The following AP3B1 variants were observed in gnomAD, a reference collection of about 807,000 sequenced individuals.
AP3B1 encodes the protein AP-3 complex subunit beta-1.
AP3B1 carries 61 observed loss-of-function variants against 132.5 expected under a neutral mutation model. That is an observed-to-expected ratio of 0.46 (90% CI 0.37 to 0.57). The LOEUF (loss-of-function observed/expected upper bound fraction) is 0.57. Ranked by LOEUF, AP3B1 falls within the 20% of genes least tolerant of loss-of-function variation. AP3B1 has a pLI of 0.00. For missense variants in AP3B1, 1,120 were observed against 1,289.4 expected (o/e 0.87, Z 2.01); for synonymous variants, 388 against 438.3 (o/e 0.89, Z 1.43).
chr5:78,137,788 T>C (rs927354478), intron 15 of AP3B1, among the ~76,000 whole-genome samples: 2 of 152,198 alleles, frequency 1.3e-5, no homozygotes, highest in African/African-American at 4.8e-5. Flanking sequence ...CAAAAATAGT[T>C]TGAGGCAGAT....
intron 23 of AP3B1, among the ~76,000 whole-genome samples, chr5:78,036,857 C>A (rs1747829815): frequency 6.6e-6 from 1 of 152,092 alleles, no homozygotes; most frequent in Non-Finnish European, 1.5e-5. Context: ...CTGTTGCATT[C>A]TTAAAATGTT....
intron 22 of AP3B1, among the ~76,000 whole-genome samples, chr5:78,045,543 T>C (rs1748293525): frequency 6.6e-6 from 1 of 152,162 alleles, no homozygotes; most frequent in Admixed American, 6.5e-5. Flanking sequence ...GTTCCATAAA[T>C]ACTTCGACTA....
chr5:78,236,327 T>C (rs746477535), intron 3 of AP3B1, among the ~76,000 whole-genome samples: 2 of 150,756 alleles, frequency 1.3e-5, no homozygotes, highest in Non-Finnish European at 2.9e-5. Context: ...AAGGACTTCG[T>C]CATTTCTACC....
chr5:78,134,145 G>A (rs1429621639), intron 15 of AP3B1, among the ~76,000 whole-genome samples: 2 of 73,342 alleles, frequency 2.7e-5, no homozygotes, highest in African/African-American at 6.6e-5. Context: ...AGCAAGACTC[G>A]CCTCAAAAAA....
At chr5:78,041,205 C>A (rs557673646) in intron 22 of AP3B1, among the ~76,000 whole-genome samples, 1 of 150,334 alleles carries the variant, frequency 6.7e-6, no homozygotes, top group East Asian at 2.0e-4. Flanking sequence ...ACCTGGGAGG[C>A]GGAGGTTGCT....
At chr5:78,240,784 G>A in intron 3 of AP3B1, 78 bp downstream of exon 3, 1 of 944,600 alleles carries the variant, frequency 1.1e-6, no homozygotes. Flanking sequence ...AGTATCTTAT[G>A]TTGCATTATA....
chr5:78,059,978 A>G (rs745576450), intron 22 of AP3B1, among the ~76,000 whole-genome samples: 1 of 152,156 alleles, frequency 6.6e-6, no homozygotes, highest in Non-Finnish European at 1.5e-5. Flanking sequence ...ACATGTTTCA[A>G]TGGGGAAAAG....
At position 78,177,383 on chromosome 5, in the gene AP3B1, A is replaced by G. The variant is rs1393834535; in HGVS notation, c.996T>C (p.Ala332=). ...LYWHISPKSE[A]GIISKSLVRL... ...GCACTAGTGATTTAGAAATTATGCC[A>G]GCTTCAGATTTTGGTGATATGTGCC... Residue 332 remains alanine (A), a synonymous_variant, in exon 9 of 27, where the codon GCT becomes GCC. Coordinates refer to ENST00000255194, the MANE Select transcript of AP3B1 (RefSeq NM_003664.5). 1 of 1,614,054 alleles carries G rather than the reference A, an allele frequency of 6.2e-7. No homozygotes were observed. Among genetic ancestry groups the G allele is most frequent in the South Asian group, 1.1e-5 (1 of 91,074 alleles).
At chr5:78,003,105 G>T in intron 26 of AP3B1, 50 bp from the exon 27 acceptor site, 1 of 1,584,574 alleles carries the variant, frequency 6.3e-7, no homozygotes, top group South Asian at 1.1e-5. Context: ...GGAGGGTAAA[G>T]GAGATAGCAT....
In AP3B1 at chr5:78,172,680, C is replaced by A. The variant is rs59525954; in HGVS notation, c.1167+2946G>T. Among the ~76,000 whole-genome samples, 630 of 152,282 alleles carry A rather than the reference C, an allele frequency of 4.1e-3. 2 individuals carry two copies. Among genetic ancestry groups the A allele is most frequent in the African/African-American group, 0.014 (574 of 41,552 alleles). On this transcript the variant is annotated intron_variant, in intron 11 of 26. Coordinates refer to ENST00000255194, the MANE Select transcript of AP3B1 (RefSeq NM_003664.5). Reference sequence around the variant, plus strand: ...CAATTCTGTTGATCTTTTCAAAAAACCAGCTCCTGGATTCATTGATTTTTC... The same window carrying A: ...CAATTCTGTTGATCTTTTCAAAAAAACAGCTCCTGGATTCATTGATTTTTC...
At chr5:78,242,866 C>G (rs1234998924) in intron 2 of AP3B1, among the ~76,000 whole-genome samples, 2 of 152,054 alleles carry the variant, frequency 1.3e-5, no homozygotes, top group Non-Finnish European at 2.9e-5. Flanking sequence ...ACTTTGGTAA[C>G]CACAAAATAA....
At chr5:78,116,356 G>T in intron 17 of AP3B1, 122 bp from the exon 18 acceptor site, 1 of 792,498 alleles carries the variant, frequency 1.3e-6, no homozygotes, top group Non-Finnish European at 2.1e-6. Context: ...CACAGGGAAT[G>T]CAACTGTTAG....
intron 2 of AP3B1, among the ~76,000 whole-genome samples, chr5:78,246,672 C>G (rs1399692102): frequency 6.6e-6 from 1 of 152,136 alleles, no homozygotes; most frequent in African/African-American, 2.4e-5. Flanking sequence ...TAAATGTCAA[C>G]AGGGTCTTGC....
At chr5:78,091,503 G>A (rs377613663) in intron 21 of AP3B1, among the ~76,000 whole-genome samples, 1 of 152,014 alleles carries the variant, frequency 6.6e-6, no homozygotes, top group Non-Finnish European at 1.5e-5. Flanking sequence ...TGAAAACCCC[G>A]GTACAGTTTA....
chr5:78,211,355 C>G (rs762142002), intron 7 of AP3B1, among the ~76,000 whole-genome samples: 2 of 152,184 alleles, frequency 1.3e-5, no homozygotes, highest in Non-Finnish European at 2.9e-5. Flanking sequence ...CTGCAATCTA[C>G]TTTGTCAACA....
intron 7 of AP3B1, among the ~76,000 whole-genome samples, chr5:78,192,823 C>T (rs1561468852): frequency 6.6e-6 from 1 of 152,120 alleles, no homozygotes; most frequent in Non-Finnish European, 1.5e-5. Context: ...AGAAGACAGT[C>T]ATCTATCTAT....
Position 78,290,723 on chromosome 5 carries a change from C to A in AP3B1, c.128+3729G>T, listed in dbSNP as rs189084695. Among the ~76,000 whole-genome samples, 1,473 of 152,136 alleles carry A rather than the reference C, an allele frequency of 9.7e-3. 15 individuals are homozygous for A. Among genetic ancestry groups the A allele is most frequent in the Middle Eastern group, 0.024 (7 of 294 alleles). On this transcript the variant is annotated intron_variant, in intron 1 of 26. Coordinates refer to ENST00000255194, the MANE Select transcript of AP3B1 (RefSeq NM_003664.5). ...CAGCACCTTGGGAGGATGAGGCAGGCGGATTGCTTGAGCCTAGGAGTTCAA... is the reference window on the plus strand; with the variant it reads ...CAGCACCTTGGGAGGATGAGGCAGGAGGATTGCTTGAGCCTAGGAGTTCAA...
intron 22 of AP3B1, among the ~76,000 whole-genome samples, chr5:78,078,347 T>C (rs1439596279): frequency 1.3e-5 from 2 of 152,208 alleles, no homozygotes; most frequent in Non-Finnish European, 2.9e-5. Context: ...CCAATTAATC[T>C]TTCACACAAC....
At chr5:78,034,785 C>T (rs896640808) in intron 23 of AP3B1, among the ~76,000 whole-genome samples, 1 of 151,830 alleles carries the variant, frequency 6.6e-6, no homozygotes, top group African/African-American at 2.4e-5. Flanking sequence ...TCTTGTTTCG[C>T]ATACCTGTAA....
Sources: gnomAD v4.1 joint callset for allele counts (sites outside exome capture counted in the v4.1 genomes callset) on GRCh38, gnomAD v4.1.1 for gene constraint, MANE v1.5 for transcripts, NCBI Gene and HGNC (gene_info 2026-07-23, HGNC 2026-07-21) for gene names.